Variants in PREX2 observed in about 807,000 individuals in gnomAD.
PREX2 encodes the protein phosphatidylinositol-3,4,5-trisphosphate dependent Rac exchange factor 2, also known as phosphatidylinositol 3,4,5-trisphosphate-dependent Rac exchanger 2 protein.
Under a neutral mutation model 203.2 loss-of-function variants are expected in PREX2, and 107 were observed. The observed-to-expected ratio is 0.53, with a 90% confidence interval of 0.45 to 0.62. The LOEUF (loss-of-function observed/expected upper bound fraction) is 0.62. PREX2 is among the 20% of genes least tolerant of loss of function. The pLI, the probability that PREX2 is intolerant of heterozygous loss-of-function variation, is 0.00. For missense variants in PREX2, 1,777 were observed against 1,955.9 expected, an observed-to-expected ratio of 0.91 and a Z score of 1.72; for synonymous variants, 672 against 663.6, an observed-to-expected ratio of 1.01 and a Z score of -0.19.
At chr8:68,054,219 G>C (rs1808606855) in intron 9 of PREX2, among the ~76,000 whole-genome samples, 1 of 152,136 alleles carries the variant, frequency 6.6e-6, no homozygotes, top group African/African-American at 2.4e-5. Context: ...TGAAGAACCA[G>C]ATAGAAAATT....
At chr8:67,993,290 CATAAG>C (rs1806660930) in intron 1 of PREX2, among the ~76,000 whole-genome samples, 1 of 152,010 alleles carries the variant, frequency 6.6e-6, no homozygotes, top group Non-Finnish European at 1.5e-5. Context: ...ATTTGGAAAT[CATAAG>C]ATGACTGAAG....
At chr8:68,149,474 A>G (rs1377919782) in intron 34 of PREX2, among the ~76,000 whole-genome samples, 1 of 152,220 alleles carries the variant, frequency 6.6e-6, no homozygotes, top group Non-Finnish European at 1.5e-5. Context: ...TGCCAATCAC[A>G]CTAAAACAAT....
intron 4 of PREX2, among the ~76,000 whole-genome samples, chr8:68,023,616 T>C (rs985926777): frequency 5.3e-5 from 8 of 152,148 alleles, no homozygotes; most frequent in Non-Finnish European, 1.2e-4. Context: ...GTTTTAAATT[T>C]TGATGAAGTC....
chr8:68,178,278 G>A (rs567992960), intron 35 of PREX2, among the ~76,000 whole-genome samples: 13 of 152,026 alleles, frequency 8.6e-5, no homozygotes, highest in African/African-American at 1.2e-4. Flanking sequence ...CTGCAACCTC[G>A]TCAGCGTCTG....
chr8:68,230,845 G>A (rs1369146709), intron 39 of PREX2, among the ~76,000 whole-genome samples: 1 of 152,116 alleles, frequency 6.6e-6, no homozygotes, highest in African/African-American at 2.4e-5. Context: ...ATCTTGCCAT[G>A]TCAGCCTATC....
intron 1 of PREX2, among the ~76,000 whole-genome samples, chr8:67,968,976 A>T (rs181665594): frequency 1.3e-5 from 2 of 152,324 alleles, no homozygotes; most frequent in East Asian, 3.9e-4. Flanking sequence ...ACTCTGTAAC[A>T]GAATTTTCAA....
chr8:68,163,136 C>A (rs928374294), intron 35 of PREX2, among the ~76,000 whole-genome samples: 4 of 151,840 alleles, frequency 2.6e-5, no homozygotes. Flanking sequence ...GTGTTATAGA[C>A]AACATACAAA....
At chr8:68,030,826 C>G in intron 6 of PREX2, among the ~76,000 whole-genome samples, 168 bp downstream of exon 6, 1 of 152,150 alleles carries the variant, frequency 6.6e-6, no homozygotes, top group East Asian at 1.9e-4. Flanking sequence ...TTTAAAGTAT[C>G]TTTAAGGTGG....
intron 1 of PREX2, chr8:67,952,809 G>A (rs1057166678): frequency 1.2e-4 from 64 of 543,534 alleles, no homozygotes; most frequent in African/African-American, 1.1e-3. Context: ...CCAGTCCAGG[G>A]AATCCCGGCT....
intron 37 of PREX2, among the ~76,000 whole-genome samples, chr8:68,199,159 G>C (rs1812456591): frequency 6.6e-6 from 1 of 152,058 alleles, no homozygotes; most frequent in Non-Finnish European, 1.5e-5. Context: ...CCAGCACCCA[G>C]TTCCAGGTGG....
At chr8:68,037,751 C>A (rs537189114) in intron 6 of PREX2, among the ~76,000 whole-genome samples, 3 of 152,140 alleles carry the variant, frequency 2.0e-5, no homozygotes, top group African/African-American at 7.2e-5. Context: ...AAAATTTAGA[C>A]AATTTCATGT....
intron 15 of PREX2, among the ~76,000 whole-genome samples, chr8:68,078,290 G>A (rs1418493911): frequency 2.0e-5 from 3 of 151,930 alleles, no homozygotes; most frequent in African/African-American, 2.4e-5. Context: ...CTCAGCCTCC[G>A]GAGTAGCTGG....
At chr8:68,221,461 G>A (rs942335376) in intron 38 of PREX2, among the ~76,000 whole-genome samples, 5 of 151,698 alleles carry the variant, frequency 3.3e-5, no homozygotes, top group African/African-American at 1.2e-4. Flanking sequence ...GTTTCATAGT[G>A]TTGTTGTGAG....
At position 68,121,065 on chromosome 8, in the gene PREX2, A is replaced by T. The variant is rs754475529; in HGVS notation, c.3724+16A>T. On this transcript the variant is annotated intron_variant, in intron 30 of 39. Coordinates refer to ENST00000288368, the MANE Select transcript of PREX2 (RefSeq NM_024870.4). ...TTTGTTGAAGGTCAGCATGAAAAGC[A>T]AAGAACATTGCATGATATTAGCAAT... is the stretch of plus-strand genomic sequence containing the variant. 2 of 1,612,448 alleles carry T rather than the reference A, an allele frequency of 1.2e-6. No individual in the cohort carries two copies. Among genetic ancestry groups the T allele is most frequent in the South Asian group, 2.2e-5 (2 of 90,668 alleles).
At chr8:68,210,935 G>A (rs1474741254) in intron 37 of PREX2, among the ~76,000 whole-genome samples, 1 of 152,124 alleles carries the variant, frequency 6.6e-6, no homozygotes, top group Non-Finnish European at 1.5e-5. Context: ...ATAGTGTAAT[G>A]AACCTAAGTT....
At chr8:68,226,400 A>G (rs1375764781) in intron 39 of PREX2, among the ~76,000 whole-genome samples, 4 of 152,110 alleles carry the variant, frequency 2.6e-5, no homozygotes, top group African/African-American at 9.7e-5. Flanking sequence ...AGGGGCTGGG[A>G]TCTCTCCCAG....
intron 24 of PREX2, 35 bp from the exon 25 acceptor site, chr8:68,109,381 A>T: frequency 2.6e-6 from 4 of 1,515,634 alleles, no homozygotes; most frequent in Non-Finnish European, 3.6e-6. Context: ...GTTAAAGGTG[A>T]TACATATTAC....
chr8:68,043,042 A>G (rs577182823), intron 7 of PREX2, among the ~76,000 whole-genome samples: 77 of 152,184 alleles, frequency 5.1e-4, no homozygotes, highest in African/African-American at 1.6e-3. Flanking sequence ...AAGAAATTCT[A>G]TTTTTCAAAA....
chr8:68,089,494 C>T (rs989005666), intron 19 of PREX2, among the ~76,000 whole-genome samples: 2 of 152,192 alleles, frequency 1.3e-5, no homozygotes, highest in Non-Finnish European at 2.9e-5. Context: ...AATCCTGTCT[C>T]TTCCATCCAC....
Sources: allele counts gnomAD v4.1 joint callset (sites outside exome capture counted in the v4.1 genomes callset), GRCh38; gene constraint gnomAD v4.1.1; transcripts MANE v1.5; gene names NCBI Gene and HGNC (gene_info 2026-07-23, HGNC 2026-07-21).